EPHB4: variants seen among roughly 807,000 people sequenced by gnomAD.
EPHB4 encodes the protein ephrin type-B receptor 4.
EPHB4 carries 50 observed loss-of-function variants against 110.6 expected under a neutral mutation model. That is an observed-to-expected ratio of 0.45 (90% CI 0.36 to 0.57). The LOEUF is 0.57. Among genes scored for constraint, EPHB4 ranks in the 20% least tolerant of loss-of-function variants. The pLI, the probability that EPHB4 is intolerant of heterozygous loss-of-function variation, is 0.00. For missense variants in EPHB4, 1,128 were observed against 1,382.1 expected, an observed-to-expected ratio of 0.82 and a Z score of 2.91; for synonymous variants, 592 against 578.4, an observed-to-expected ratio of 1.02 and a Z score of -0.34.
chr7:100,823,742 G>T lies in EPHB4; in HGVS notation c.313C>A (p.Arg105Ser), dbSNP rs1813300656. Reference protein sequence around the residue: ...LECLSLPRAGRSCKETFTVFY... With the variant: ...LECLSLPRAGSSCKETFTVFY... The stretch of plus-strand genomic sequence containing the variant: ...ACGGTGAAGGTCTCCTTGCAGGAGC[G>T]CCCAGCCCGAGGCAGGGACAGGCAC... Residue 105 changes from arginine (R) to serine (S), a missense_variant, in exon 3 of 17, where the codon CGC becomes AGC. By Grantham distance (110) the Arg-to-Ser change is moderately radical. Transcript: ENST00000358173. The T allele has an allele frequency of 6.2e-7, 1 of 1,613,620 alleles. No homozygotes were observed. Among genetic ancestry groups the T allele is most frequent in the Non-Finnish European group, 8.5e-7 (1 of 1,179,972 alleles).
chr7:100,823,922 G>A lies in EPHB4; in HGVS notation c.133C>T (p.Leu45=). 1 of 1,587,822 alleles carries A rather than the reference G, an allele frequency of 6.3e-7. No individual in the cohort carries two copies. Among genetic ancestry groups the A allele is most frequent in the Non-Finnish European group, 8.6e-7 (1 of 1,166,630 alleles). ...FPQVDGQWEE[L]SGLDEEQHSV... is the part of the protein sequence containing the mutation. ...TGCTGTTCCTCATCCAGGCCGCTCA[G>A]TTCCTCCCACTGTGCAGAGAAGGAG... The change falls in exon 3 of 17, where the codon CTG becomes TTG. Residue 45 remains leucine, a synonymous_variant. Coordinates refer to ENST00000358173, the MANE Select transcript of EPHB4 (RefSeq NM_004444.5).
rs937292725 is a variant in EPHB4, at chr7:100,822,675, C to T, written c.412-8G>A. On this transcript the variant is annotated splice_polypyrimidine_tract_variant and splice_region_variant and intron_variant, in intron 3 of 16. Transcript: ENST00000358173. The surrounding 1 kb of genome is among the most constrained non-coding windows in gnomAD (Gnocchi z 4.7). ...CGCGGCCACCGTGTCCACCTGCCGG[C>T]GGGGGGGAGGCACACCGCTGCTGTC... The T allele has an allele frequency of 3.2e-5, 49 of 1,543,872 alleles. No homozygotes were observed. The highest frequency in any genetic ancestry group is 2.3e-4 in the East Asian group (10 of 43,054).
chr7:100,817,385 G>T, intron 7 of EPHB4, 28 bp from the exon 8 acceptor site: 1 of 1,522,992 alleles, frequency 6.6e-7, no homozygotes, highest in Non-Finnish European at 8.8e-7. Flanking sequence ...TGGGGTGGCC[G>T]TCACCCGGGA....
Position 100,807,503 on chromosome 7 carries a change from G to A in EPHB4, c.2196C>T (p.Ala732=), listed in dbSNP as rs762187229. The change falls in exon 13 of 17, where the codon GCC becomes GCT. Residue 732 remains alanine (A), a synonymous_variant. Coordinates refer to ENST00000358173, the MANE Select transcript of EPHB4 (RefSeq NM_004444.5). ...RGIASGMRYL[A]EMSYVHRDLA... ...GGTCTCGGTGGACGTAGCTCATCTCGGCAAGGTACCGCATGCCCGAGGCGA... is the reference window on the plus strand; with the variant it reads ...GGTCTCGGTGGACGTAGCTCATCTCAGCAAGGTACCGCATGCCCGAGGCGA... 23 of 1,608,636 alleles carry A rather than the reference G, an allele frequency of 1.4e-5. No homozygotes were observed. The highest frequency in any genetic ancestry group is 1.2e-4 in the South Asian group (11 of 90,744).
Position 100,817,189 on chromosome 7 carries a change from C to T in EPHB4, c.1588+3G>A. The T allele has an allele frequency of 2.0e-6, 3 of 1,530,612 alleles. No homozygotes were observed. The highest frequency in any genetic ancestry group is 2.6e-6 in the Non-Finnish European group (3 of 1,139,802). 94.8% of individuals were successfully genotyped at this position (1,530,612 alleles called of 1,614,324 possible). A position where few individuals can be genotyped will look rare whatever the true frequency, so the allele number is the denominator to read the frequency against. ...CCACCCTCACCCCCTTCCCCAGGCT[C>T]ACCATCCAGTTGGGTCTGGCTGTGA... On this transcript the variant is annotated splice_donor_region_variant and intron_variant, in intron 8 of 16. Coordinates refer to ENST00000358173, the MANE Select transcript of EPHB4 (RefSeq NM_004444.5).
intron 6 of EPHB4, 80 bp downstream of exon 6, chr7:100,819,477 C>A: frequency 6.8e-7 from 1 of 1,468,836 alleles, no homozygotes; most frequent in Non-Finnish European, 9.1e-7. Context: ...CCCAACTTCA[C>A]AGCCCCTGCC....
At position 100,820,254 on chromosome 7, in the gene EPHB4, G is replaced by A; in HGVS notation, c.851C>T (p.Ser284Phe). 1 of 1,614,064 alleles carries A rather than the reference G, an allele frequency of 6.2e-7. No homozygotes were observed. Among genetic ancestry groups the A allele is most frequent in the Non-Finnish European group, 8.5e-7 (1 of 1,180,016 alleles). Residue 284 changes from serine to phenylalanine, a missense_variant, in exon 5 of 17, where the codon TCC (serine) becomes TTC (phenylalanine). Coordinates refer to ENST00000358173, the MANE Select transcript of EPHB4 (RefSeq NM_004444.5). ...GCTATTGGCTGGGCATGGCTGGCAGGACCCTTCTCCTGACAGGGGCTTGAA... is the reference window on the plus strand; with the variant it reads ...GCTATTGGCTGGGCATGGCTGGCAGAACCCTTCTCCTGACAGGGGCTTGAA... ...GTFKPLSGEG[S>F]CQPCPANSHS...
rs111959244 is a variant in EPHB4 at position 100,826,223 on chromosome 7, G to A, written c.52+756C>T. Among the ~76,000 whole-genome samples the A allele has an allele frequency of 9.4e-3, 1,439 of 152,278 alleles. 18 individuals carry two copies. Among genetic ancestry groups the A allele is most frequent in the Non-Finnish European group, 0.013 (912 of 68,018 alleles). On this transcript the variant is annotated intron_variant, in intron 1 of 16. Coordinates refer to ENST00000358173, the MANE Select transcript of EPHB4 (RefSeq NM_004444.5). Reference sequence around the variant, plus strand: ...CCAAAGAAATGCTTGGAGAGACCAGGAGGTGGGAGATAGACTGGGTTAGTT... The same window carrying A: ...CCAAAGAAATGCTTGGAGAGACCAGAAGGTGGGAGATAGACTGGGTTAGTT...
chr7:100,822,138 G>T lies in EPHB4; in HGVS notation c.808+133C>A. Reference sequence around the variant, plus strand: ...GCAGAGATTGTGCCACTGCACTCCAGCCTGGGTGACAGAGCAAGCCTCCAT... The same window carrying T: ...GCAGAGATTGTGCCACTGCACTCCATCCTGGGTGACAGAGCAAGCCTCCAT... On this transcript the variant is annotated intron_variant, in intron 4 of 16. Coordinates refer to ENST00000358173, the MANE Select transcript of EPHB4 (RefSeq NM_004444.5). The surrounding 1 kb of genome is among the most constrained non-coding windows in gnomAD (Gnocchi z 4.7). 1 of 1,311,512 alleles carries T rather than the reference G, an allele frequency of 7.6e-7. No homozygotes were observed. The highest frequency in any genetic ancestry group is 1.0e-6 in the Non-Finnish European group (1 of 984,722). The allele number at this position is 1,311,512 out of a possible 1,614,324, so 81.2% of individuals were successfully genotyped here.
chr7:100,805,049 G>A, intron 16 of EPHB4, 117 bp downstream of exon 16: 3 of 1,319,596 alleles, frequency 2.3e-6, no homozygotes, highest in Admixed American at 2.4e-5. Context: ...CATGAGCGCA[G>A]TGCAAGAAGA....
intron 1 of EPHB4, among the ~76,000 whole-genome samples, chr7:100,826,366 G>A (rs1377785299): frequency 6.6e-6 from 1 of 152,142 alleles, no homozygotes; most frequent in East Asian, 1.9e-4. Flanking sequence ...GGTCTAGACC[G>A]CATTTAAAGG....
rs750256169 is a variant in EPHB4 at position 100,805,312 on chromosome 7, G to C, written c.2688C>G (p.His896Gln). ...GAGGCTGCCGCTGGTCCAGGAGAGG[G>C]TGTGAGGCCCTAGGGGGCAAGGATG... ...IVARENGGAS[H>Q]PLLDQRQPHY... Residue 896 changes from histidine (H) to glutamine (Q), a missense_variant, in exon 16 of 17, where the codon CAC (histidine) becomes CAG (glutamine). Physicochemically the swap from His to Gln is conservative, Grantham distance 24. Coordinates refer to ENST00000358173, the MANE Select transcript of EPHB4 (RefSeq NM_004444.5). 1 of 1,613,828 alleles carries C rather than the reference G, an allele frequency of 6.2e-7. No individual in the cohort carries two copies. The highest frequency in any genetic ancestry group is 8.5e-7 in the Non-Finnish European group (1 of 1,179,890).
intron 6 of EPHB4, among the ~76,000 whole-genome samples, chr7:100,819,356 T>C (rs894796908): frequency 2.0e-5 from 3 of 152,168 alleles, no homozygotes; most frequent in African/African-American, 4.8e-5. Context: ...GTGATCCGCC[T>C]GTCTCAGCCT....
In EPHB4 at chr7:100,826,964, C is replaced by A. The variant is rs953787533; in HGVS notation, c.52+15G>T. On this transcript the variant is annotated intron_variant, in intron 1 of 16. Coordinates refer to ENST00000358173, the MANE Select transcript of EPHB4 (RefSeq NM_004444.5). ...AGGAGTGACGGGGTGCGCCCCCCCC[C>A]GCAAGGAAACTCACCTTCCAAAGCT... 6 of 1,441,856 alleles carry A rather than the reference C, an allele frequency of 4.2e-6. No individual in the cohort carries two copies. Among genetic ancestry groups the A allele is most frequent in the African/African-American group, 3.3e-5 (2 of 61,158 alleles). 89.3% of individuals were successfully genotyped at this position (1,441,856 alleles called of 1,614,324 possible).
rs758398075 is a variant in EPHB4, at chr7:100,822,708, CCT to C, written c.412-43_412-42del. On this transcript the variant is annotated intron_variant, in intron 3 of 16. Transcript: ENST00000358173. This position sits in a 1 kb window ranked among gnomAD's most constrained non-coding sequence, Gnocchi z 4.7. ...AGGCACACCGCTGCTGTCCCCACTCCCTGAGGACCCAGCGGACTGTTGTGTTC... is the reference window on the plus strand; with the variant it reads ...AGGCACACCGCTGCTGTCCCCACTCCGAGGACCCAGCGGACTGTTGTGTTC... 3.4e-5 allele frequency: 51 copies of C among 1,487,910 alleles called. No homozygotes were observed. The African/African-American group carries it at 6.5e-4, about 19-fold the overall frequency. 92.2% of individuals were successfully genotyped at this position (1,487,910 alleles called of 1,614,324 possible).
intron 9 of EPHB4, 80 bp from the exon 10 acceptor site, chr7:100,813,796 G>C: frequency 6.2e-7 from 1 of 1,606,742 alleles, no homozygotes. Flanking sequence ...GAAGGAGCAG[G>C]GATTGGAGAA....
chr7:100,805,087 A>G, intron 16 of EPHB4, 79 bp downstream of exon 16: 4 of 1,514,424 alleles, frequency 2.6e-6, no homozygotes, highest in Non-Finnish European at 2.7e-6. Flanking sequence ...GCTGACCCCA[A>G]AAGCCCCTGG....
rs978446629 is a variant in EPHB4, at chr7:100,823,950, C to G, written c.124-19G>C. ...CCTCCCACTGTGCAGAGAAGGAGGT[C>G]AGCAAGGGGGCTGGGGAGCCGCCAG... On this transcript the variant is annotated intron_variant, in intron 2 of 16. Coordinates refer to ENST00000358173, the MANE Select transcript of EPHB4 (RefSeq NM_004444.5). The G allele has an allele frequency of 1.9e-6, 3 of 1,560,368 alleles. No homozygotes were observed. Among genetic ancestry groups the G allele is most frequent in the Non-Finnish European group, 2.6e-6 (3 of 1,150,724 alleles).
chr7:100,804,176 T>C (rs1229079513), intron 16 of EPHB4, among the ~76,000 whole-genome samples: 1 of 150,808 alleles, frequency 6.6e-6, no homozygotes, highest in Non-Finnish European at 1.5e-5. Flanking sequence ...TTTTTGTTTT[T>C]GTTTTGTAGA....
Sources: gnomAD v4.1 joint callset for allele counts (sites outside exome capture counted in the v4.1 genomes callset) on GRCh38, gnomAD v4.1.1 for gene constraint, Gnocchi (gnomAD v3.1) non-coding constraint, MANE v1.5 for transcripts, NCBI Gene and HGNC (gene_info 2026-07-23, HGNC 2026-07-21) for gene names.